SOX5: variants seen among roughly 807,000 people sequenced by gnomAD.
SOX5 encodes the protein transcription factor SOX-5.
In SOX5, 9 loss-of-function variants were observed where a neutral mutation model predicts 92.0. The observed-to-expected ratio is 0.10, with a 90% CI of 0.06 to 0.17. The LOEUF (loss-of-function observed/expected upper bound fraction) is 0.17. Among genes scored for constraint, SOX5 ranks in the 10% least tolerant of loss-of-function variants. SOX5 has a pLI of 1.00. For missense variants in SOX5, 642 were observed against 944.5 expected (o/e 0.68, Z 4.20); for synonymous variants, 344 against 336.3 (o/e 1.02, Z -0.25).
chr12:24,053,075 A>G (rs2137149986), intron 4 of SOX5, among the ~76,000 whole-genome samples: 1 of 152,290 alleles, frequency 6.6e-6, no homozygotes, highest in Admixed American at 6.5e-5. Flanking sequence ...ATTTGCAAAT[A>G]AAAACTTTTT....
chr12:24,437,019 G>GA lies in SOX5; in HGVS notation c.-250-68381dup, dbSNP rs1375358760. ...GTGCACTGTTGAGACCTACTGCTCAGAAAAAAAGATTCCTTTCAAAATATT... is the reference window on the plus strand; with the variant it reads ...GTGCACTGTTGAGACCTACTGCTCAGAAAAAAAAGATTCCTTTCAAAATATT... On this transcript the variant is annotated intron_variant, in intron 1 of 4. Coordinates refer to the SOX5 transcript ENST00000446891. Among the ~76,000 whole-genome samples the GA allele has an allele frequency of 3.2e-4, 48 of 152,218 alleles. No homozygotes were observed. The Middle Eastern group carries it at 0.017, about 54-fold the overall frequency.
rs189444792 is a variant in SOX5, at chr12:24,491,358, A to G, written c.-251+70971T>C. 1.3e-3 allele frequency among the ~76,000 whole-genome samples: 192 copies of G among 152,260 alleles called. 2 individuals carry two copies. The highest frequency in any genetic ancestry group is 3.5e-3 in the African/African-American group (146 of 41,532). ...TACTCTTCCTAGAGCAGCCTTTGCCAGGGTATTTTAACCTCTTTTACTATA... is the reference window on the plus strand; with the variant it reads ...TACTCTTCCTAGAGCAGCCTTTGCCGGGGTATTTTAACCTCTTTTACTATA... On this transcript the variant is annotated intron_variant, in intron 1 of 4. Transcript: ENST00000446891.
chr12:23,989,320 A>C (rs1017378550), intron 4 of SOX5, among the ~76,000 whole-genome samples: 1 of 151,634 alleles, frequency 6.6e-6, no homozygotes, highest in Non-Finnish European at 1.5e-5. Flanking sequence ...TAAGCCTGAG[A>C]GGCAGAGGTT....
At chr12:24,052,217 T>G (rs941319534) in intron 4 of SOX5, among the ~76,000 whole-genome samples, 110 of 152,226 alleles carry the variant, frequency 7.2e-4, no homozygotes, top group African/African-American at 2.5e-3. Context: ...GGAATCAAAC[T>G]TAAACAGGAA....
At chr12:24,195,151 A>AAC (rs1565630876) in intron 4 of SOX5, among the ~76,000 whole-genome samples, 5 of 151,700 alleles carry the variant, frequency 3.3e-5, no homozygotes, top group African/African-American at 9.7e-5. Flanking sequence ...AAAAAAAAAA[A>AAC]CACGAGAAAA....
intron 1 of SOX5, among the ~76,000 whole-genome samples, chr12:23,903,940 A>G (rs2097264009): frequency 6.6e-6 from 1 of 152,246 alleles, no homozygotes; most frequent in African/African-American, 2.4e-5. Flanking sequence ...ATGAAACAAC[A>G]AACACTTTTA....
chr12:23,560,685 C>T (rs1309191211), intron 11 of SOX5, among the ~76,000 whole-genome samples: 2 of 152,214 alleles, frequency 1.3e-5, no homozygotes, highest in Non-Finnish European at 2.9e-5. Context: ...GTCTCTAATA[C>T]ATAGCATGTG....
chr12:23,935,805 T>G (rs538901204), intron 1 of SOX5, among the ~76,000 whole-genome samples: 1 of 151,158 alleles, frequency 6.6e-6, no homozygotes, highest in Admixed American at 6.6e-5. Context: ...GAATTTAAAA[T>G]GTAGTTGTTG....
chr12:24,494,226 G>C (rs1947383740), intron 1 of SOX5, among the ~76,000 whole-genome samples: 1 of 152,138 alleles, frequency 6.6e-6, no homozygotes, highest in Admixed American at 6.5e-5. Flanking sequence ...GGACTGGGCA[G>C]GTAATAAGAA....
intron 4 of SOX5, among the ~76,000 whole-genome samples, chr12:23,972,500 G>A (rs10771051): frequency 0.41 from 61,233 of 150,378 alleles, 12,809 homozygotes; most frequent in East Asian, 0.74. Context: ...TGGGATTACA[G>A]GCGCCCACCA....
chr12:24,528,041 A>G (rs184723613), intron 1 of SOX5, among the ~76,000 whole-genome samples: 1 of 152,378 alleles, frequency 6.6e-6, no homozygotes, highest in East Asian at 1.9e-4. Flanking sequence ...ACACTTCCAT[A>G]AATGCAAGTT....
intron 4 of SOX5, among the ~76,000 whole-genome samples, chr12:23,969,325 A>G (rs1464382666): frequency 6.6e-6 from 1 of 151,540 alleles, no homozygotes; most frequent in Non-Finnish European, 1.5e-5. Flanking sequence ...TCTTCAATCC[A>G]TTTTTTTTCC....
chr12:24,029,377 C>T (rs1955229379), intron 4 of SOX5, among the ~76,000 whole-genome samples: 1 of 151,968 alleles, frequency 6.6e-6, no homozygotes, highest in Admixed American at 6.6e-5. Flanking sequence ...TAAGGTCAAG[C>T]TGTTCTCCCA....
chr12:24,237,654 C>G (rs1964771937), intron 3 of SOX5, among the ~76,000 whole-genome samples: 1 of 150,924 alleles, frequency 6.6e-6, no homozygotes, highest in Non-Finnish European at 1.5e-5. Context: ...TTGAACTAGT[C>G]AAGTTGTATT....
chr12:23,752,563 G>C, intron 4 of SOX5, among the ~76,000 whole-genome samples: 1 of 151,816 alleles, frequency 6.6e-6, no homozygotes, highest in East Asian at 1.9e-4. Context: ...ATGACCTTCG[G>C]TGTAATGGAA....
intron 10 of SOX5, among the ~76,000 whole-genome samples, chr12:23,565,653 T>C (rs1231275806): frequency 1.3e-5 from 2 of 152,174 alleles, no homozygotes; most frequent in South Asian, 4.1e-4. Flanking sequence ...TCTGTAATGG[T>C]TATTTCCAAT....
intron 3 of SOX5, among the ~76,000 whole-genome samples, chr12:24,270,033 T>C (rs1188979830): frequency 6.6e-6 from 1 of 151,674 alleles, no homozygotes; most frequent in East Asian, 1.9e-4. Flanking sequence ...TATTTTAGTA[T>C]CCTATTTTTG....
intron 4 of SOX5, among the ~76,000 whole-genome samples, chr12:24,005,461 C>T (rs1332842127): frequency 2.0e-5 from 3 of 152,112 alleles, no homozygotes; most frequent in African/African-American, 7.2e-5. Flanking sequence ...TATCATGTTT[C>T]TGCCTCAGAG....
chr12:23,668,172 C>T (rs1339907857), intron 6 of SOX5, among the ~76,000 whole-genome samples: 1 of 152,180 alleles, frequency 6.6e-6, no homozygotes, highest in Admixed American at 6.6e-5. Context: ...ATGAGATATC[C>T]TGCTGTTGGC....
Sources: allele counts gnomAD v4.1 joint callset (sites outside exome capture counted in the v4.1 genomes callset), GRCh38; gene constraint gnomAD v4.1.1; transcripts MANE v1.5; gene names NCBI Gene and HGNC (gene_info 2026-07-23, HGNC 2026-07-21).